Variants in ATP2B2 observed in about 807,000 individuals in gnomAD.
ATP2B2 encodes ATPase plasma membrane Ca2+ transporting 2, also known as plasma membrane calcium-transporting ATPase 2.
A neutral mutation model predicts 120.0 loss-of-function variants in ATP2B2; 15 were observed. The observed-to-expected ratio is 0.12, with a 90% CI of 0.08 to 0.19. The LOEUF is 0.19. ATP2B2 is among the 10% of genes least tolerant of loss of function. The pLI is 1.00. For missense variants in ATP2B2, 1,045 were observed against 1,719.8 expected (o/e 0.61, Z 6.94); for synonymous variants, 694 against 700.3 (o/e 0.99, Z 0.14).
chr3:10,607,783 C>T (rs12487529), intron 2 of ATP2B2, among the ~76,000 whole-genome samples: 63,582 of 152,038 alleles, frequency 0.42, 14,840 homozygotes, highest in Middle Eastern at 0.59. Flanking sequence ...GTTCAGTGAC[C>T]ACATGTAGAT....
chr3:10,512,542 T>C (rs1003424927), intron 3 of ATP2B2, among the ~76,000 whole-genome samples: 5 of 151,368 alleles, frequency 3.3e-5, no homozygotes, highest in African/African-American at 1.2e-4. Flanking sequence ...AGTCTTGCTA[T>C]GTGGAGAGTA....
chr3:10,452,495 C>T (rs79094484), intron 1 of ATP2B2, among the ~76,000 whole-genome samples: 3,414 of 152,278 alleles, frequency 0.022, 135 homozygotes, highest in African/African-American at 0.079. Flanking sequence ...GCTCTTCCTG[C>T]TGCCTGCTCA....
intron 5 of ATP2B2, among the ~76,000 whole-genome samples, chr3:10,395,237 A>G (rs1296590871): frequency 6.6e-6 from 1 of 152,224 alleles, no homozygotes; most frequent in Non-Finnish European, 1.5e-5. Flanking sequence ...CCATGAAGAC[A>G]ATGAAAAGAT....
chr3:10,350,237 C>T (rs745891127), intron 15 of ATP2B2, 38 bp from the exon 16 acceptor site: 15 of 1,497,776 alleles, frequency 1.0e-5, no homozygotes, highest in African/African-American at 8.3e-5. Flanking sequence ...TCGGTGGGGT[C>T]GGGGAGAGAA....
chr3:10,326,005 C>G lies in ATP2B2; in HGVS notation c.*2809G>C, dbSNP rs2059850568. The stretch of plus-strand genomic sequence containing the variant: ...TTTTTTTTTTAAACCACAAACATTT[C>G]AGAACCACACTGCACGAGTCAGAAG... On this transcript the variant is annotated 3_prime_UTR_variant, in exon 23 of 23. Transcript: ENST00000360273. The G allele has an allele frequency of 6.6e-6, 1 of 152,180 alleles. No homozygotes were observed. Among genetic ancestry groups the G allele is most frequent in the Non-Finnish European group, 1.5e-5 (1 of 67,966 alleles). 9.4% of individuals were successfully genotyped at this position (152,180 alleles called of 1,614,324 possible).
intron 1 of ATP2B2, chr3:10,626,403 G>C (rs2069699605): frequency 6.6e-6 from 1 of 152,290 alleles, no homozygotes; most frequent in Non-Finnish European, 1.5e-5. Flanking sequence ...AGGGTCCTGG[G>C]GGATCTGCAG....
chr3:10,493,143 G>A (rs533865154), intron 1 of ATP2B2, among the ~76,000 whole-genome samples: 1 of 152,282 alleles, frequency 6.6e-6, no homozygotes, highest in South Asian at 2.1e-4. Context: ...GCTACTGATT[G>A]TCTAGGGAAG....
intron 2 of ATP2B2, among the ~76,000 whole-genome samples, chr3:10,584,516 T>C (rs1026408679): frequency 6.6e-6 from 1 of 152,136 alleles, no homozygotes; most frequent in Non-Finnish European, 1.5e-5. Flanking sequence ...GGTGGTGAAC[T>C]GCATGTACTG....
At chr3:10,391,023 A>G (rs967975596) in intron 5 of ATP2B2, among the ~76,000 whole-genome samples, 8 of 152,190 alleles carry the variant, frequency 5.3e-5, no homozygotes, top group African/African-American at 1.9e-4. Context: ...CTGGGGTCTC[A>G]TGGCGGGTAT....
chr3:10,644,632 G>C (rs2070270022), intron 1 of ATP2B2, among the ~76,000 whole-genome samples: 1 of 152,184 alleles, frequency 6.6e-6, no homozygotes, highest in African/African-American at 2.4e-5. Context: ...AAATGAAAAA[G>C]GGCCAGACAC....
chr3:10,646,914 G>A (rs1191787630), intron 1 of ATP2B2, among the ~76,000 whole-genome samples: 3 of 152,230 alleles, frequency 2.0e-5, no homozygotes, highest in African/African-American at 4.8e-5. Context: ...CATGTGGGGC[G>A]TTACATAATC....
At chr3:10,473,288 T>C (rs111998075) in intron 1 of ATP2B2, among the ~76,000 whole-genome samples, 299 of 152,358 alleles carry the variant, frequency 2.0e-3, no homozygotes, top group African/African-American at 3.9e-3. Flanking sequence ...CCAAGCATAC[T>C]GTACTTGCCT....
intron 3 of ATP2B2, among the ~76,000 whole-genome samples, chr3:10,529,444 C>T (rs756837578): frequency 2.8e-4 from 42 of 152,286 alleles, no homozygotes; most frequent in East Asian, 1.2e-3. Context: ...AACTTACAGG[C>T]TCTTTATGTA....
At chr3:10,508,072 G>C (rs908129003), upstream of ATP2B2, among the ~76,000 whole-genome samples, 13 of 152,186 alleles carry the variant, frequency 8.5e-5, no homozygotes, top group African/African-American at 3.1e-4. Context: ...CTCTCAGGCA[G>C]TTGTGGATTT....
intron 2 of ATP2B2, among the ~76,000 whole-genome samples, chr3:10,585,930 GT>G (rs2068500769): frequency 6.6e-6 from 1 of 152,154 alleles, no homozygotes; most frequent in African/African-American, 2.4e-5. Context: ...CAAACTCTCT[GT>G]TTAACCATGG....
chr3:10,594,636 C>G (rs2068720290), intron 2 of ATP2B2, among the ~76,000 whole-genome samples: 1 of 151,658 alleles, frequency 6.6e-6, no homozygotes, highest in Non-Finnish European at 1.5e-5. Context: ...TTAATGGGTG[C>G]AGCACACCAA....
chr3:10,468,454 A>G (rs1471989230), intron 1 of ATP2B2, among the ~76,000 whole-genome samples: 1 of 152,234 alleles, frequency 6.6e-6, no homozygotes, highest in Non-Finnish European at 1.5e-5. Context: ...GCTGGCGGCT[A>G]CCCAATGTTG....
At chr3:10,546,388 C>T (rs1043558441) in intron 2 of ATP2B2, among the ~76,000 whole-genome samples, 5 of 152,194 alleles carry the variant, frequency 3.3e-5, no homozygotes, top group South Asian at 4.1e-4. Context: ...CCACCTTAGC[C>T]GGACACCTCC....
intron 1 of ATP2B2, among the ~76,000 whole-genome samples, chr3:10,637,518 G>A (rs1410528326): frequency 6.6e-6 from 1 of 152,098 alleles, no homozygotes; most frequent in Admixed American, 6.5e-5. Flanking sequence ...ACACTGGATG[G>A]GCTCAATAGC....
Sources: gnomAD v4.1 joint callset for allele counts (sites outside exome capture counted in the v4.1 genomes callset) on GRCh38, gnomAD v4.1.1 for gene constraint, MANE v1.5 for transcripts, NCBI Gene and HGNC (gene_info 2026-07-23, HGNC 2026-07-21) for gene names.